KLF13: variants seen among roughly 807,000 people sequenced by gnomAD.
KLF13 encodes KLF transcription factor 13.
In KLF13, 8 loss-of-function variants were observed where a neutral mutation model predicts 16.7. The observed-to-expected ratio is 0.48, with a 90% CI of 0.28 to 0.87. The LOEUF is 0.87. Ranked by LOEUF, KLF13 falls within the 40% of genes least tolerant of loss-of-function variation. The pLI is 0.10. For missense variants in KLF13, 447 were observed against 452.2 expected (o/e 0.99, Z 0.10); for synonymous variants, 245 against 208.4 (o/e 1.18, Z -1.51).
chr15:31,398,077 T>C (rs1051653275), intron 2 of KLF13, among the ~76,000 whole-genome samples: 6 of 152,338 alleles, frequency 3.9e-5, no homozygotes, highest in African/African-American at 9.6e-5. Context: ...CCTGCGTCTC[T>C]GCTCAGGCTC....
At chr15:31,365,856 G>A (rs2039460436) in intron 1 of KLF13, among the ~76,000 whole-genome samples, 1 of 152,110 alleles carries the variant, frequency 6.6e-6, no homozygotes. Flanking sequence ...GCGGATTGGG[G>A]GCTCAGCTGA....
intron 1 of KLF13, chr15:31,420,104 A>G (rs1566846605): frequency 2.6e-6 from 1 of 387,022 alleles, no homozygotes; most frequent in East Asian, 6.2e-5. Flanking sequence ...ACTGTTCTTC[A>G]AAAATGAAGG....
intron 1 of KLF13, among the ~76,000 whole-genome samples, chr15:31,424,087 C>T (rs2040374610): frequency 6.6e-6 from 1 of 152,070 alleles, no homozygotes; most frequent in South Asian, 2.1e-4. Context: ...GAGATTAAAT[C>T]ACTAACCAAA....
At chr15:31,368,849 T>C (rs897861437) in intron 1 of KLF13, among the ~76,000 whole-genome samples, 1 of 152,148 alleles carries the variant, frequency 6.6e-6, no homozygotes, top group African/African-American at 2.4e-5. Flanking sequence ...GATAGATAGG[T>C]AGATAGATAG....
chr15:31,434,854 A>G (rs532891554), intron 1 of KLF13, among the ~76,000 whole-genome samples: 5 of 152,296 alleles, frequency 3.3e-5, no homozygotes, highest in East Asian at 1.9e-4. Context: ...CCCCAAGGCC[A>G]TGGGGCAGCC....
intron 1 of KLF13, among the ~76,000 whole-genome samples, chr15:31,366,746 C>CTGTGCTCACTGTGTGCCCCCG (rs1357731115): frequency 1.3e-5 from 2 of 152,258 alleles, no homozygotes; most frequent in Non-Finnish European, 2.9e-5. Flanking sequence ...GTGTGCCCCC[C>CTGTGCTCACTGTGTGCCCCCG]TGTGCTCACT....
downstream of KLF13, among the ~76,000 whole-genome samples, chr15:31,378,758 G>A (rs954383442): frequency 1.3e-5 from 2 of 152,042 alleles, no homozygotes; most frequent in African/African-American, 2.4e-5. Context: ...CGTTGCTGTC[G>A]CCGAGGCTGG....
intron 1 of KLF13, among the ~76,000 whole-genome samples, chr15:31,412,832 TG>T (rs766500185): frequency 1.2e-3 from 177 of 152,266 alleles, no homozygotes; most frequent in Non-Finnish European, 2.2e-3. Flanking sequence ...CAGTGCAAGT[TG>T]TAGTGAAAGG....
chr15:31,372,136 G>A lies in KLF13; in HGVS notation c.704G>A (p.Arg235His). Residue 235 changes from arginine to histidine, a missense_variant, in exon 2 of 2, where the codon CGC (arginine) becomes CAC (histidine). Physicochemically the swap from Arg to His is conservative, Grantham distance 29 (BLOSUM62 0). Transcript: ENST00000307145. ...TTCAGCTGCCCCATCTGCGAGAAGC[G>A]CTTCATGCGCAGCGACCACCTGACC... is the stretch of plus-strand genomic sequence containing the variant. ...KKFSCPICEK[R>H]FMRSDHLTKH... The A allele has an allele frequency of 1.2e-6, 2 of 1,613,046 alleles. No individual in the cohort carries two copies. Among genetic ancestry groups the A allele is most frequent in the Non-Finnish European group, 1.7e-6 (2 of 1,179,946 alleles).
rs2039586793 is a variant in KLF13, at chr15:31,373,282, C to G, written c.*983C>G. The G allele has an allele frequency of 6.6e-6, 1 of 152,388 alleles. No homozygotes were observed. The highest frequency in any genetic ancestry group is 2.1e-4 in the South Asian group (1 of 4,832). The allele number at this position is 152,388 out of a possible 1,614,324, so 9.4% of individuals were successfully genotyped here. A position where few individuals can be genotyped will look rare whatever the true frequency, so the allele number is the denominator to read the frequency against. ...AACAGTGGGCAGGTCATGGGGCCTC[C>G]TCATCAGAGGGTCTGTGTGAGCGGC... is the stretch of plus-strand genomic sequence containing the variant. On this transcript the variant is annotated 3_prime_UTR_variant, in exon 2 of 2. Coordinates refer to ENST00000307145, the MANE Select transcript of KLF13 (RefSeq NM_015995.4).
intron 1 of KLF13, among the ~76,000 whole-genome samples, chr15:31,358,734 G>T (rs1159082017): frequency 6.6e-6 from 1 of 152,204 alleles, no homozygotes; most frequent in Non-Finnish European, 1.5e-5. Flanking sequence ...TCATATTCCT[G>T]TCTTGCCTTG....
upstream of KLF13, among the ~76,000 whole-genome samples, chr15:31,392,435 C>G (rs1006929045): frequency 6.6e-6 from 1 of 152,180 alleles, no homozygotes; most frequent in Non-Finnish European, 1.5e-5. Context: ...CAGGCCACGC[C>G]CCTCCTGATG....
intron 1 of KLF13, among the ~76,000 whole-genome samples, chr15:31,357,309 A>G (rs2039315678): frequency 6.6e-6 from 1 of 152,096 alleles, no homozygotes; most frequent in Non-Finnish European, 1.5e-5. Context: ...CTCCCTCCAC[A>G]TCACCTGTCT....
At chr15:31,432,449 T>C (rs1370425813) in intron 1 of KLF13, among the ~76,000 whole-genome samples, 1 of 128,400 alleles carries the variant, frequency 7.8e-6, no homozygotes, top group Non-Finnish European at 1.7e-5. Flanking sequence ...CTCTCTTTCT[T>C]TCCTTTTTTT....
At chr15:31,331,710 C>G (rs561402634) in intron 1 of KLF13, among the ~76,000 whole-genome samples, 80 of 152,298 alleles carry the variant, frequency 5.3e-4, no homozygotes, top group African/African-American at 1.9e-3. Context: ...TGCCAGTGGC[C>G]CTAGTTGTGA....
chr15:31,346,040 C>A lies in KLF13; in HGVS notation c.577+18251C>A, dbSNP rs547560708. ...TGTGCCGGCATCTGGCTCAGGCATG[C>A]GTGAGCCCCTCTGTACAGATGCCTG... On this transcript the variant is annotated intron_variant, in intron 1 of 1. Transcript: ENST00000307145. Among the ~76,000 whole-genome samples the A allele has an allele frequency of 1.8e-4, 27 of 152,130 alleles. No individual in the cohort carries two copies. The South Asian group carries it at 5.6e-3, about 32-fold the overall frequency.
At chr15:31,344,974 C>T (rs2039088560) in intron 1 of KLF13, among the ~76,000 whole-genome samples, 2 of 152,184 alleles carry the variant, frequency 1.3e-5, no homozygotes, top group South Asian at 4.1e-4. Context: ...ACCCTGGGGG[C>T]TGGCCAGGGA....
rs2039674674 is a variant in KLF13 at position 31,377,832 on chromosome 15, T to C, written c.*5533T>C. ...AAATTAACGAAATTGTAAATTTTATTGTTTTAACGTGTATGCATGTTTAGT... is the reference window on the plus strand; with the variant it reads ...AAATTAACGAAATTGTAAATTTTATCGTTTTAACGTGTATGCATGTTTAGT... On this transcript the variant is annotated 3_prime_UTR_variant, in exon 2 of 2. Coordinates refer to ENST00000307145, the MANE Select transcript of KLF13 (RefSeq NM_015995.4). 1 of 152,666 alleles carries C rather than the reference T, an allele frequency of 6.6e-6. No homozygotes were observed. The highest frequency in any genetic ancestry group is 6.5e-5 in the Admixed American group (1 of 15,288). 9.5% of individuals were successfully genotyped at this position (152,666 alleles called of 1,614,324 possible). A position where few individuals can be genotyped will look rare whatever the true frequency, so the allele number is the denominator to read the frequency against.
chr15:31,404,813 C>G (rs573027230), downstream of KLF13: 85 of 152,528 alleles, frequency 5.6e-4, no homozygotes, highest in African/African-American at 1.8e-3. Flanking sequence ...AGCGAGACCA[C>G]GAACCCACTG....
Sources: gnomAD v4.1 joint callset for allele counts (sites outside exome capture counted in the v4.1 genomes callset) on GRCh38, gnomAD v4.1.1 for gene constraint, MANE v1.5 for transcripts, NCBI Gene and HGNC (gene_info 2026-07-23, HGNC 2026-07-21) for gene names.